The following HYAL4 variants were observed in gnomAD, a reference collection of about 807,000 sequenced individuals.
HYAL4 encodes hyaluronidase-4.
Under a neutral mutation model 35.2 loss-of-function variants are expected in HYAL4, and 37 were observed. The ratio of observed to expected loss-of-function variants is 1.05; its 90% CI spans 0.81 to 1.38. HYAL4 has a LOEUF of 1.38. Among genes scored for constraint, HYAL4 ranks in the 40% most tolerant of loss-of-function variants. The pLI is 0.00. For missense variants in HYAL4, 572 were observed against 572.4 expected (o/e 1.00, Z 0.01); for synonymous variants, 198 against 203.2 (o/e 0.97, Z 0.22).
At chr7:123,858,619 T>A (rs908451996) in intron 2 of HYAL4, among the ~76,000 whole-genome samples, 1 of 152,114 alleles carries the variant, frequency 6.6e-6, no homozygotes, top group African/African-American at 2.4e-5. Context: ...TAAGTTCTAG[T>A]TCATAAATAT....
the HYAL4 span, among the ~76,000 whole-genome samples, chr7:123,772,152 A>G: frequency 6.6e-6 from 1 of 152,192 alleles, no homozygotes; most frequent in East Asian, 1.9e-4. Flanking sequence ...ATGTGAGCCA[A>G]TTCCTCATAA....
At chr7:123,835,147 A>G (rs1171684337) in intron 1 of HYAL4, among the ~76,000 whole-genome samples, 3 of 152,098 alleles carry the variant, frequency 2.0e-5, no homozygotes, top group Non-Finnish European at 4.4e-5. Context: ...GAATAGTGTC[A>G]ATAAGTTTGG....
intron 2 of HYAL4, among the ~76,000 whole-genome samples, chr7:123,853,194 T>G (rs535657807): frequency 6.6e-6 from 1 of 152,362 alleles, no homozygotes; most frequent in Non-Finnish European, 1.5e-5. Flanking sequence ...ACAATTTGAC[T>G]TCCTCTCTTC....
chr7:123,821,387 A>T, the HYAL4 span, among the ~76,000 whole-genome samples: 1 of 152,112 alleles, frequency 6.6e-6, no homozygotes, highest in Non-Finnish European at 1.5e-5. Flanking sequence ...TTTGATTTAC[A>T]TTTCCCCAAT....
the HYAL4 span, among the ~76,000 whole-genome samples, chr7:123,810,729 G>A: frequency 6.6e-6 from 1 of 152,108 alleles, no homozygotes; most frequent in Non-Finnish European, 1.5e-5. Flanking sequence ...GCATTCTATG[G>A]CTTTTGACAA....
chr7:123,854,790 CT>C (rs1207613954), intron 2 of HYAL4, among the ~76,000 whole-genome samples: 1 of 152,110 alleles, frequency 6.6e-6, no homozygotes, highest in Non-Finnish European at 1.5e-5. Flanking sequence ...AATTTTCTGT[CT>C]CGTTGATCTG....
intron 2 of HYAL4, among the ~76,000 whole-genome samples, chr7:123,855,606 C>A (rs1806418595): frequency 6.6e-6 from 1 of 152,084 alleles, no homozygotes; most frequent in African/African-American, 2.4e-5. Context: ...GGTAACCTGA[C>A]CTTTCTCTCT....
intron 1 of HYAL4, among the ~76,000 whole-genome samples, chr7:123,832,059 T>C (rs555362948): frequency 6.6e-6 from 1 of 152,258 alleles, no homozygotes; most frequent in South Asian, 2.1e-4. Flanking sequence ...TAGGAAGAGC[T>C]TTCTCTTTAC....
chr7:123,861,319 G>A (rs55865834), intron 2 of HYAL4, among the ~76,000 whole-genome samples: 3 of 152,036 alleles, frequency 2.0e-5, no homozygotes, highest in Non-Finnish European at 2.9e-5. Flanking sequence ...ATAACATTTC[G>A]CAGACCACTG....
the HYAL4 span, among the ~76,000 whole-genome samples, chr7:123,777,634 A>AT: frequency 6.6e-6 from 1 of 152,168 alleles, no homozygotes; most frequent in African/African-American, 2.4e-5. Context: ...ATGCTTAAGC[A>AT]CTGTTAGCAC....
chr7:123,826,644 T>C (rs914606417), upstream of HYAL4, among the ~76,000 whole-genome samples: 1 of 152,186 alleles, frequency 6.6e-6, no homozygotes, highest in Non-Finnish European at 1.5e-5. Context: ...ATATTTTTAA[T>C]CTGTAAAAAA....
the HYAL4 span, among the ~76,000 whole-genome samples, chr7:123,764,095 A>T: frequency 6.6e-6 from 1 of 152,064 alleles, no homozygotes; most frequent in Non-Finnish European, 1.5e-5. Context: ...TGATGTTCCT[A>T]CCTCAGGCTA....
chr7:123,853,943 G>T (rs1806371305), intron 2 of HYAL4, among the ~76,000 whole-genome samples: 1 of 152,042 alleles, frequency 6.6e-6, no homozygotes, highest in Non-Finnish European at 1.5e-5. Context: ...ACTTCTTCCT[G>T]GTTTAGTCTT....
chr7:123,844,031 G>T (rs1355221385), upstream of HYAL4, among the ~76,000 whole-genome samples: 1 of 151,938 alleles, frequency 6.6e-6, no homozygotes, highest in Admixed American at 6.6e-5. Flanking sequence ...ATCCAGCTTT[G>T]TTCCATTGCT....
chr7:123,848,371 C>T (rs1014773894), intron 2 of HYAL4, among the ~76,000 whole-genome samples: 12 of 152,118 alleles, frequency 7.9e-5, no homozygotes, highest in Admixed American at 5.2e-4. Context: ...CTGATAGTTA[C>T]GAGCTAAATT....
At chr7:123,767,046 T>A in the HYAL4 span, among the ~76,000 whole-genome samples, 5 of 152,214 alleles carry the variant, frequency 3.3e-5, no homozygotes, top group Non-Finnish European at 7.4e-5. Context: ...CAGCTATGTA[T>A]TTAATTCACA....
chr7:123,863,339 C>T (rs1806618124), intron 2 of HYAL4, among the ~76,000 whole-genome samples: 1 of 131,402 alleles, frequency 7.6e-6, no homozygotes, highest in Admixed American at 6.9e-5. Context: ...CCTCTGCCTT[C>T]ATCATACAAT....
In HYAL4 at chr7:123,869,185, A is replaced by G; in HGVS notation, c.912A>G (p.Thr304=). ...ATGCTCTGCCTGTATTTGTCTACAC[A>G]AGGCTAGGGTACAGAGATGAACCTT... The part of the protein sequence containing the change: ...HDYALPVFVY[T]RLGYRDEPLF... Residue 304 remains threonine (T), a synonymous_variant, in exon 3 of 5, where the codon ACA becomes ACG. Transcript: ENST00000223026. 1 of 1,613,932 alleles carries G rather than the reference A, an allele frequency of 6.2e-7. No homozygotes were observed. Among genetic ancestry groups the G allele is most frequent in the Non-Finnish European group, 8.5e-7 (1 of 1,179,956 alleles).
chr7:123,763,723 T>G, the HYAL4 span, among the ~76,000 whole-genome samples: 11 of 152,234 alleles, frequency 7.2e-5, no homozygotes, highest in Non-Finnish European at 1.5e-4. Context: ...GCCAGCATGC[T>G]GTCACCTCTC....
Sources: gnomAD v4.1 joint callset for allele counts (sites outside exome capture counted in the v4.1 genomes callset) on GRCh38, gnomAD v4.1.1 for gene constraint, MANE v1.5 for transcripts, NCBI Gene and HGNC (gene_info 2026-07-23, HGNC 2026-07-21) for gene names.